Variants in NYAP2 observed in about 807,000 individuals in gnomAD.
The protein encoded by NYAP2 is neuronal tyrosine-phosphorylated phosphoinositide-3-kinase adaptor 2.
In NYAP2, 23 loss-of-function variants were observed where a neutral mutation model predicts 50.4. The ratio of observed to expected loss-of-function variants is 0.46; its 90% confidence interval spans 0.33 to 0.65. NYAP2 has a LOEUF of 0.65. Among genes scored for constraint, NYAP2 ranks in the 30% least tolerant of loss-of-function variants. NYAP2 has a pLI of 0.02. For synonymous variants in NYAP2, 394 were observed against 365.2 expected (o/e 1.08, Z -0.90); for missense variants, 885 against 861.0 (o/e 1.03, Z -0.35).
chr2:225,534,488 T>A (rs1691312746), intron 4 of NYAP2, among the ~76,000 whole-genome samples: 1 of 152,230 alleles, frequency 6.6e-6, no homozygotes, highest in Admixed American at 6.5e-5. Flanking sequence ...GTTTATATTC[T>A]ACAGAAGTAA....
At chr2:225,667,740 A>G in the NYAP2 span, among the ~76,000 whole-genome samples, 13 of 152,344 alleles carry the variant, frequency 8.5e-5, no homozygotes, top group Non-Finnish European at 7.3e-5. Context: ...TTCAATGGAT[A>G]GAATACCTAA....
intron 3 of NYAP2, among the ~76,000 whole-genome samples, chr2:225,469,606 T>C (rs1173958455): frequency 1.3e-5 from 2 of 152,168 alleles, no homozygotes; most frequent in African/African-American, 4.8e-5. Context: ...AACCCAAATG[T>C]CCATCAATGA....
chr2:225,443,947 A>G (rs1574617737), intron 3 of NYAP2, among the ~76,000 whole-genome samples: 2 of 152,306 alleles, frequency 1.3e-5, no homozygotes, highest in Middle Eastern at 6.8e-3. Flanking sequence ...GCCAGCCCCC[A>G]AGAAGTTTTA....
At chr2:225,449,409 ATTTAT>A (rs1158720400) in intron 3 of NYAP2, among the ~76,000 whole-genome samples, 5 of 152,204 alleles carry the variant, frequency 3.3e-5, no homozygotes, top group African/African-American at 1.2e-4. Flanking sequence ...GAACTTTACT[ATTTAT>A]TTAAGAATAT....
intron 4 of NYAP2, among the ~76,000 whole-genome samples, chr2:225,532,515 G>A (rs1212432438): frequency 6.6e-6 from 1 of 152,142 alleles, no homozygotes; most frequent in African/African-American, 2.4e-5. Context: ...CAGAACACAG[G>A]AACACATTGC....
chr2:225,637,470 A>G (rs914306815), intron 6 of NYAP2, among the ~76,000 whole-genome samples: 2 of 152,156 alleles, frequency 1.3e-5, no homozygotes, highest in Non-Finnish European at 2.9e-5. Flanking sequence ...TCAGAAGACA[A>G]TTCTCCACAT....
chr2:225,654,645 C>G (rs2106274441), downstream of NYAP2, among the ~76,000 whole-genome samples: 1 of 152,206 alleles, frequency 6.6e-6, no homozygotes, highest in South Asian at 2.1e-4. Context: ...GATTGTGCCA[C>G]TGCATTCCAC....
At chr2:225,554,099 C>G (rs1691729867) in intron 4 of NYAP2, among the ~76,000 whole-genome samples, 1 of 152,126 alleles carries the variant, frequency 6.6e-6, no homozygotes, top group Admixed American at 6.5e-5. Context: ...TGGTCCCTTA[C>G]ATTCATTACT....
intron 3 of NYAP2, among the ~76,000 whole-genome samples, chr2:225,428,895 C>A (rs1305066553): frequency 6.6e-6 from 1 of 152,128 alleles, no homozygotes; most frequent in African/African-American, 2.4e-5. Context: ...ATGTAAGTAA[C>A]CATAAAGAGA....
the NYAP2 span, among the ~76,000 whole-genome samples, chr2:225,691,529 A>C: frequency 1.3e-5 from 2 of 152,176 alleles, no homozygotes; most frequent in African/African-American, 2.4e-5. Flanking sequence ...GATATATGTA[A>C]AAAAGCCATG....
At chr2:225,614,010 A>G (rs981987634) in intron 5 of NYAP2, among the ~76,000 whole-genome samples, 1 of 152,170 alleles carries the variant, frequency 6.6e-6, no homozygotes, top group African/African-American at 2.4e-5. Flanking sequence ...GTGTCATAGA[A>G]GTATACAAGT....
intron 6 of NYAP2, among the ~76,000 whole-genome samples, chr2:225,640,464 A>G (rs1266228007): frequency 1.3e-5 from 2 of 152,202 alleles, no homozygotes; most frequent in Admixed American, 1.3e-4. Flanking sequence ...CAAGGAGCTT[A>G]TTTATATCTG....
intron 5 of NYAP2, among the ~76,000 whole-genome samples, chr2:225,604,780 A>G (rs993577355): frequency 6.6e-6 from 1 of 152,072 alleles, no homozygotes; most frequent in East Asian, 1.9e-4. Context: ...AAACACTATT[A>G]CTCTCTATAA....
chr2:225,521,887 G>C (rs201079081), intron 4 of NYAP2, among the ~76,000 whole-genome samples: 38 of 152,196 alleles, frequency 2.5e-4, no homozygotes, highest in African/African-American at 9.1e-4. Context: ...GAATTCGGCT[G>C]TGAATCCATC....
intron 5 of NYAP2, among the ~76,000 whole-genome samples, chr2:225,608,724 C>T (rs1692831293): frequency 6.6e-6 from 1 of 152,106 alleles, no homozygotes; most frequent in African/African-American, 2.4e-5. Context: ...GTGACTTTCT[C>T]TACCACACAG....
At chr2:225,400,796 T>G (rs998793321) in exon 2 of NYAP2, 1 of 152,490 alleles carries the variant, frequency 6.6e-6, no homozygotes, top group Non-Finnish European at 1.5e-5. Flanking sequence ...AAAGGCCATT[T>G]TATCTGATAG....
At chr2:225,433,352 T>C (rs116247470) in intron 3 of NYAP2, among the ~76,000 whole-genome samples, 1 of 75,004 alleles carries the variant, frequency 1.3e-5, no homozygotes, top group African/African-American at 4.0e-5. Flanking sequence ...TGAGACCCTA[T>C]CTGTTTAAAA....
intron 5 of NYAP2, among the ~76,000 whole-genome samples, chr2:225,605,424 G>A (rs549492008): frequency 6.6e-6 from 1 of 152,266 alleles, no homozygotes; most frequent in East Asian, 1.9e-4. Context: ...TTAGATCAGT[G>A]ACTTTTTAAC....
chr2:225,444,547 G>A (rs1689522359), intron 3 of NYAP2, among the ~76,000 whole-genome samples: 1 of 152,164 alleles, frequency 6.6e-6, no homozygotes, highest in African/African-American at 2.4e-5. Context: ...AATATAAAAT[G>A]TAGAAATCAT....
Sources: allele counts gnomAD v4.1 joint callset (sites outside exome capture counted in the v4.1 genomes callset), GRCh38; gene constraint gnomAD v4.1.1; transcripts MANE v1.5; gene names NCBI Gene and HGNC (gene_info 2026-07-23, HGNC 2026-07-21).